The following PCDHA12 variants were observed in gnomAD, a reference collection of about 807,000 sequenced individuals.
PCDHA12 encodes the protein protocadherin alpha 12, also known as protocadherin alpha-12.
In PCDHA12, 44 loss-of-function variants were observed where a neutral mutation model predicts 60.0. The ratio of observed to expected loss-of-function variants is 0.73; its 90% confidence interval spans 0.58 to 0.94. PCDHA12 has a LOEUF of 0.94. Ranked by LOEUF, PCDHA12 falls within the 40% of genes least tolerant of loss-of-function variation. The pLI is 0.00. For missense variants in PCDHA12, 1,276 were observed against 1,239.7 expected (o/e 1.03, Z -0.44); for synonymous variants, 569 against 553.0 (o/e 1.03, Z -0.40).
rs2057020187 is a variant in PCDHA12 at position 140,877,314 on chromosome 5, G to A, written c.1842G>A (p.Ala614=). 6.2e-7 allele frequency: 1 copy of A among 1,613,972 alleles called. No individual in the cohort carries two copies. The highest frequency in any genetic ancestry group is 1.7e-5 in the Admixed American group (1 of 60,020). Reference sequence around the variant, plus strand: ...GGCTGTCCTACGAGTTGCAACCGGCGGCGGTCGGCGCGCACATCCCGTTCC... The same window carrying A: ...GGCTGTCCTACGAGTTGCAACCGGCAGCGGTCGGCGCGCACATCCCGTTCC... ...NAWLSYELQP[A]AVGAHIPFHV... Residue 614 remains alanine, a synonymous_variant, in exon 1 of 4, where the codon GCG becomes GCA. Transcript: ENST00000398631.
At chr5:140,971,096 A>G (rs1240805149) in intron 1 of PCDHA12, among the ~76,000 whole-genome samples, 1 of 152,180 alleles carries the variant, frequency 6.6e-6, no homozygotes, top group African/African-American at 2.4e-5. Context: ...ATTCTTGTGA[A>G]GCCCTTTGGG....
At chr5:140,901,580 C>T (rs2068755035) in intron 1 of PCDHA12, among the ~76,000 whole-genome samples, 3 of 152,008 alleles carry the variant, frequency 2.0e-5, no homozygotes, top group Admixed American at 6.6e-5. Context: ...TATGCCAGTG[C>T]CATGATGTTT....
At chr5:140,927,822 T>C in intron 1 of PCDHA12, 1 of 1,614,152 alleles carries the variant, frequency 6.2e-7, no homozygotes, top group Non-Finnish European at 8.5e-7. Context: ...AGGCATACAT[T>C]GAGGCGAGGG....
At chr5:140,910,028 T>C (rs1402911275) in intron 1 of PCDHA12, among the ~76,000 whole-genome samples, 4 of 152,222 alleles carry the variant, frequency 2.6e-5, no homozygotes, top group African/African-American at 9.6e-5. Flanking sequence ...ATCCCTGGGA[T>C]AAATCCCACT....
intron 1 of PCDHA12, chr5:140,969,097 C>G (rs2096295003): frequency 6.2e-7 from 1 of 1,614,072 alleles, no homozygotes; most frequent in African/African-American, 1.3e-5. Flanking sequence ...TGCAGCCTCA[C>G]TTCATTGAAG....
At chr5:140,879,173 G>T (rs1010561937) in intron 1 of PCDHA12, among the ~76,000 whole-genome samples, 2 of 152,160 alleles carry the variant, frequency 1.3e-5, no homozygotes, top group South Asian at 2.1e-4. Context: ...AATAAATTAG[G>T]TATCAAGTAA....
intron 1 of PCDHA12, among the ~76,000 whole-genome samples, chr5:140,918,149 A>G (rs2078550151): frequency 1.3e-5 from 2 of 151,946 alleles, no homozygotes; most frequent in African/African-American, 4.8e-5. Flanking sequence ...CTTTTTGTGT[A>G]TGTCTATTGT....
chr5:140,987,001 G>T (rs2097221434), intron 3 of PCDHA12, among the ~76,000 whole-genome samples: 1 of 152,038 alleles, frequency 6.6e-6, no homozygotes. Context: ...ATCACTTGAG[G>T]TCATGAGTTC....
At chr5:141,002,589 TC>T (rs1157810975) in intron 3 of PCDHA12, among the ~76,000 whole-genome samples, 1 of 152,140 alleles carries the variant, frequency 6.6e-6, no homozygotes, top group African/African-American at 2.4e-5. Context: ...TAGTCCTTAG[TC>T]CCCTCATCTA....
chr5:140,968,574 T>A (rs2096256536), intron 1 of PCDHA12: 1 of 1,614,218 alleles, frequency 6.2e-7, no homozygotes, highest in Non-Finnish European at 8.5e-7. Flanking sequence ...GCTGGCTACC[T>A]GGTCACCAAA....
At chr5:140,963,206 AC>A (rs145404740) in intron 1 of PCDHA12, among the ~76,000 whole-genome samples, 1,595 of 152,188 alleles carry the variant, frequency 0.01, 28 homozygotes, top group African/African-American at 0.037. Context: ...GAAAAAAAAA[AC>A]CTCGTGTTTA....
At chr5:140,881,085 A>G (rs1554171740) in intron 1 of PCDHA12, among the ~76,000 whole-genome samples, 1 of 152,156 alleles carries the variant, frequency 6.6e-6, no homozygotes, top group East Asian at 1.9e-4. Flanking sequence ...GCTATGATAT[A>G]TTTTTCATTA....
chr5:140,930,803 T>C (rs1227085867), intron 1 of PCDHA12, among the ~76,000 whole-genome samples: 2 of 152,222 alleles, frequency 1.3e-5, no homozygotes, highest in Non-Finnish European at 2.9e-5. Context: ...ATCCAGCATA[T>C]AAGATATGCT....
chr5:140,916,210 A>G, intron 1 of PCDHA12, among the ~76,000 whole-genome samples: 1 of 152,210 alleles, frequency 6.6e-6, no homozygotes, highest in East Asian at 1.9e-4. Context: ...GCCCTGGGGA[A>G]GATCCAAATA....
intron 3 of PCDHA12, among the ~76,000 whole-genome samples, chr5:140,984,397 G>A (rs1400095442): frequency 1.3e-5 from 2 of 152,112 alleles, no homozygotes; most frequent in African/African-American, 4.8e-5. Context: ...AAAATGTTGA[G>A]AACCTATCTT....
In PCDHA12 at chr5:140,877,376, G is replaced by C; in HGVS notation, c.1904G>C (p.Arg635Pro). The C allele has an allele frequency of 6.2e-7, 1 of 1,614,014 alleles. No homozygotes were observed. Among genetic ancestry groups the C allele is most frequent in the South Asian group, 1.1e-5 (1 of 91,088 alleles). ...GLYTGEISTTRILDEADAPRH... is the reference protein window; with the variant it reads ...GLYTGEISTTPILDEADAPRH... ...TACACTGGCGAGATCAGCACGACAC[G>C]CATCCTGGATGAGGCGGACGCTCCG... is the stretch of plus-strand genomic sequence containing the variant. Residue 635 changes from arginine (R) to proline (P), a missense_variant, in exon 1 of 4, where the codon CGC (arginine) becomes CCC (proline). Transcript: ENST00000398631.
At chr5:140,882,543 G>T (rs1357197569) in intron 1 of PCDHA12, 4 of 1,614,236 alleles carry the variant, frequency 2.5e-6, no homozygotes, top group Non-Finnish European at 3.4e-6. Context: ...CGGATCGACC[G>T]CGAGGAGCTG....
At chr5:140,924,395 G>C (rs919795787) in intron 1 of PCDHA12, among the ~76,000 whole-genome samples, 1 of 152,024 alleles carries the variant, frequency 6.6e-6, no homozygotes, top group East Asian at 1.9e-4. Context: ...TACTTATATT[G>C]CCTTATATCA....
At chr5:140,985,739 CTTTTTTTTTT>C (rs11372071) in intron 3 of PCDHA12, among the ~76,000 whole-genome samples, 1 of 117,922 alleles carries the variant, frequency 8.5e-6, no homozygotes, top group African/African-American at 3.2e-5. Context: ...TGATGAATTC[CTTTTTTTTTT>C]TTTTTTTTTT....
Sources: gnomAD v4.1 joint callset for allele counts (sites outside exome capture counted in the v4.1 genomes callset) on GRCh38, gnomAD v4.1.1 for gene constraint, MANE v1.5 for transcripts, NCBI Gene and HGNC (gene_info 2026-07-23, HGNC 2026-07-21) for gene names.